PIK3R2: variants seen among roughly 807,000 people sequenced by gnomAD.
The protein encoded by PIK3R2 is phosphoinositide-3-kinase regulatory subunit 2, also known as phosphatidylinositol 3-kinase regulatory subunit beta.
PIK3R2 carries 40 observed loss-of-function variants against 78.5 expected under a neutral mutation model. The ratio of observed to expected loss-of-function variants is 0.51; its 90% CI spans 0.40 to 0.66. The LOEUF is 0.66. Among genes scored for constraint, PIK3R2 ranks in the 30% least tolerant of loss-of-function variants. PIK3R2 has a pLI of 0.00. For missense variants in PIK3R2, 880 were observed against 1,026.6 expected (o/e 0.86, Z 1.95); for synonymous variants, 473 against 457.7 (o/e 1.03, Z -0.43).
At position 18,166,272 on chromosome 19, in the gene PIK3R2, G is replaced by T; in HGVS notation, c.1529G>T (p.Arg510Leu). Reference sequence around the variant, plus strand: ...AGCAAGGAATACCTGGAGCGCTTCCGGCGTGAGGGCAACGAGAAAGAGATG... The same window carrying T: ...AGCAAGGAATACCTGGAGCGCTTCCTGCGTGAGGGCAACGAGAAAGAGATG... ...KCSKEYLERF[R>L]REGNEKEMQR... is the part of the protein sequence containing the mutation. Residue 510 changes from arginine (R) to leucine (L), a missense_variant, in exon 12 of 16, where the codon CGG becomes CTG. Around this residue, in one of 3 missense-constraint regions of PIK3R2, gnomAD observed 156 missense variants for 241.0 expected, o/e 0.65. Transcript: ENST00000222254. 1 of 1,614,142 alleles carries T rather than the reference G, an allele frequency of 6.2e-7. No individual in the cohort carries two copies. Among genetic ancestry groups the T allele is most frequent in the East Asian group, 2.2e-5 (1 of 44,890 alleles).
rs542057856 is a variant in PIK3R2 at position 18,164,525 on chromosome 19, T to C, written c.1416+1137T>C. ...GTGAAAGGTTTTGTCACTCAAGGACTGTGCTAATAAGCTTCTTTTGCAAGT... is the reference window on the plus strand; with the variant it reads ...GTGAAAGGTTTTGTCACTCAAGGACCGTGCTAATAAGCTTCTTTTGCAAGT... On this transcript the variant is annotated intron_variant, in intron 11 of 15. Coordinates refer to ENST00000222254, the MANE Select transcript of PIK3R2 (RefSeq NM_005027.4). Among the ~76,000 whole-genome samples, 7 of 152,294 alleles carry C rather than the reference T, an allele frequency of 4.6e-5. No individual in the cohort carries two copies. The South Asian group carries it at 1.5e-3, about 32-fold the overall frequency.
At chr19:18,163,909 C>T (rs1264254464) in intron 11 of PIK3R2, among the ~76,000 whole-genome samples, 1 of 151,790 alleles carries the variant, frequency 6.6e-6, no homozygotes, top group Non-Finnish European at 1.5e-5. Flanking sequence ...GGTGGATCAC[C>T]TGAGGTCAGG....
chr19:18,162,603 G>A, intron 9 of PIK3R2, 97 bp downstream of exon 9: 1 of 992,398 alleles, frequency 1.0e-6, no homozygotes, highest in Admixed American at 2.0e-5. Context: ...AGAATGGAGG[G>A]CCAGGCACGG....
chr19:18,169,264 GGGCCCC>G lies in PIK3R2; in HGVS notation c.2163_2168del (p.Gly722_Pro723del). ...CCCTGGCGCACCCAGTGCGCGCCCC[GGGCCCC>G]GGCCCGCCGCCTGCCGCCCGCTGAG... is the stretch of plus-strand genomic sequence containing the variant. On this transcript the variant is annotated inframe_deletion, in exon 16 of 16. Transcript: ENST00000222254. 6.5e-7 allele frequency: 1 copy of G among 1,535,724 alleles called. No homozygotes were observed. The highest frequency in any genetic ancestry group is 1.2e-5 in the South Asian group (1 of 85,024).
In PIK3R2 at chr19:18,156,879, T is replaced by C. The variant is rs2043683493; in HGVS notation, c.322+678T>C. 6.6e-6 allele frequency among the ~76,000 whole-genome samples: 1 copy of C among 152,046 alleles called. No individual in the cohort carries two copies. Among genetic ancestry groups the C allele is most frequent in the Non-Finnish European group, 1.5e-5 (1 of 67,972 alleles). On this transcript the variant is annotated intron_variant, in intron 2 of 15. Transcript: ENST00000222254. This position sits in a 1 kb window ranked among gnomAD's most constrained non-coding sequence, Gnocchi z 4.2. ...GGGGGCACCGAGCCCACTCAGTGAC[T>C]GCTGTTTGATGGGCAGGGAGTGTGG...
intron 11 of PIK3R2, among the ~76,000 whole-genome samples, chr19:18,164,361 T>C (rs2043784820): frequency 1.3e-5 from 2 of 151,554 alleles, no homozygotes; most frequent in Non-Finnish European, 2.9e-5. Flanking sequence ...AATGAAATCA[T>C]GCCAGGTGCA....
intron 1 of PIK3R2, among the ~76,000 whole-genome samples, chr19:18,155,070 T>C (rs1003274346): frequency 6.6e-6 from 1 of 151,418 alleles, no homozygotes; most frequent in Admixed American, 6.6e-5. Flanking sequence ...AAAAATTAGC[T>C]GGGTGTGGTG....
rs1051912771 is a variant in PIK3R2 at position 18,170,515 on chromosome 19, T to C, written c.*1221T>C. On this transcript the variant is annotated 3_prime_UTR_variant, in exon 16 of 16. Transcript: ENST00000222254. ...GTACGGTACGTTGTTATTGATATGA[T>C]ATAAAACATCAAACGTCGTGGGTGA... is the stretch of plus-strand genomic sequence containing the variant. The C allele has an allele frequency of 5.3e-5, 8 of 152,074 alleles. No homozygotes were observed. The highest frequency in any genetic ancestry group is 4.6e-4 in the Admixed American group (7 of 15,256). 9.4% of individuals were successfully genotyped at this position (152,074 alleles called of 1,614,324 possible).
rs1156335639 is a variant in PIK3R2 at position 18,170,220 on chromosome 19, A to G, written c.*926A>G. The G allele has an allele frequency of 1.3e-5, 2 of 152,828 alleles. No homozygotes were observed. Among genetic ancestry groups the G allele is most frequent in the African/African-American group, 4.8e-5 (2 of 41,446 alleles). The allele number at this position is 152,828 out of a possible 1,614,324, so 9.5% of individuals were successfully genotyped here. On this transcript the variant is annotated 3_prime_UTR_variant, in exon 16 of 16. Transcript: ENST00000222254. ...GAGACTCCTCCGTCTCAAAAAAATAAATAAATAAACTTGTGAGCTGGCCCC... is the reference window on the plus strand; with the variant it reads ...GAGACTCCTCCGTCTCAAAAAAATAGATAAATAAACTTGTGAGCTGGCCCC...
intron 2 of PIK3R2, among the ~76,000 whole-genome samples, chr19:18,157,023 G>A (rs957194613): frequency 4.6e-5 from 7 of 152,180 alleles, no homozygotes; most frequent in Non-Finnish European, 7.4e-5. Flanking sequence ...TGTGCAGACC[G>A]GGAGGCCTGA....
Position 18,169,283 on chromosome 19 carries a change from G to GCCGC in PIK3R2, c.2181_2184dup (p.Ter729ProfsTer83). On this transcript the variant is annotated frameshift_variant, in exon 16 of 16. Transcript: ENST00000222254. LOFTEE classifies it high-confidence loss of function. ...CGCCCCGGGCCCCGGCCCGCCGCCTGCCGCCCGCTGAGCACCGAGGACCCG... is the reference window on the plus strand; with the variant it reads ...CGCCCCGGGCCCCGGCCCGCCGCCTGCCGCCCGCCCGCTGAGCACCGAGGACCCG... The GCCGC allele has an allele frequency of 6.7e-7, 1 of 1,500,074 alleles. No homozygotes were observed. The highest frequency in any genetic ancestry group is 8.8e-7 in the Non-Finnish European group (1 of 1,130,864). The allele number at this position is 1,500,074 out of a possible 1,614,324, so 92.9% of individuals were successfully genotyped here.
intron 10 of PIK3R2, 44 bp from the exon 11 acceptor site, chr19:18,163,219 C>T (rs746153869): frequency 2.8e-5 from 45 of 1,613,866 alleles, no homozygotes; most frequent in Non-Finnish European, 3.5e-5. Flanking sequence ...TAGGTAGACC[C>T]GACCAGGCTA....
chr19:18,165,357 C>T (rs1244581583), intron 11 of PIK3R2, among the ~76,000 whole-genome samples: 3 of 75,634 alleles, frequency 4.0e-5, no homozygotes, highest in Non-Finnish European at 5.1e-5. Flanking sequence ...AGTGAGACTC[C>T]GTCTCAAAAA....
rs769739941 is a variant in PIK3R2 at position 18,168,699 on chromosome 19, C to A, written c.1809-27C>A. The stretch of plus-strand genomic sequence containing the variant: ...AGGCTGGCAGGTGAGTGACCAGGGC[C>A]CTCCCCGCCACCGCCCCCCACCCCA... On this transcript the variant is annotated intron_variant, in intron 14 of 15. Coordinates refer to ENST00000222254, the MANE Select transcript of PIK3R2 (RefSeq NM_005027.4). This position sits in a 1 kb window ranked among gnomAD's most constrained non-coding sequence, Gnocchi z 4.1. 10 of 1,577,254 alleles carry A rather than the reference C, an allele frequency of 6.3e-6. No individual in the cohort carries two copies. The highest frequency in any genetic ancestry group is 8.7e-6 in the Non-Finnish European group (10 of 1,148,590).
chr19:18,158,542 G>A (rs139684975), intron 2 of PIK3R2, among the ~76,000 whole-genome samples: 176 of 149,566 alleles, frequency 1.2e-3, no homozygotes, highest in African/African-American at 4.2e-3. Flanking sequence ...CAAGGCAAGT[G>A]GATCGTTAGG....
Position 18,161,371 on chromosome 19 carries a change from C to G in PIK3R2, c.691C>G (p.Arg231Gly). 1 of 1,264,270 alleles carries G rather than the reference C, an allele frequency of 7.9e-7. No individual in the cohort carries two copies. Among genetic ancestry groups the G allele is most frequent in the Non-Finnish European group, 9.9e-7 (1 of 1,006,532 alleles). The allele number at this position is 1,264,270 out of a possible 1,614,324, so 78.3% of individuals were successfully genotyped here. ...GCGCTTCCTGCTCCAGCACCTGGGC[C>G]GCGTGGCCAGCCGCGCCCCGGCCCT... ...TLRFLLQHLG[R>G]VASRAPALGP... The change falls in exon 6 of 16, where the codon CGC (arginine) becomes GGC (glycine). Residue 231 changes from arginine to glycine, a missense_variant. Transcript: ENST00000222254. The surrounding 1 kb of genome is among the most constrained non-coding windows in gnomAD (Gnocchi z 5.3).
chr19:18,169,138 C>T lies in PIK3R2; in HGVS notation c.2031C>T (p.Phe677=), dbSNP rs754267384. 4.3e-6 allele frequency: 7 copies of T among 1,611,622 alleles called. No homozygotes were observed. The highest frequency in any genetic ancestry group is 1.7e-4 in the Middle Eastern group (1 of 5,878). Residue 677 remains phenylalanine, a synonymous_variant, in exon 16 of 16, where the codon TTC becomes TTT. Coordinates refer to ENST00000222254, the MANE Select transcript of PIK3R2 (RefSeq NM_005027.4). The part of the protein sequence containing the change: ...HCVIYRTATG[F]GFAEPYNLYG... ...TCATCTACCGCACGGCCACCGGCTT[C>T]GGCTTCGCGGAGCCCTACAACCTGT...
chr19:18,169,119 A>G lies in PIK3R2; in HGVS notation c.2012A>G (p.Tyr671Cys). The G allele has an allele frequency of 6.2e-7, 1 of 1,611,696 alleles. No homozygotes were observed. Among genetic ancestry groups the G allele is most frequent in the East Asian group, 2.2e-5 (1 of 44,856 alleles). Residue 671 changes from tyrosine to cysteine, a missense_variant, in exon 16 of 16, where the codon TAC (tyrosine) becomes TGC (cysteine). By Grantham distance (194) the Tyr-to-Cys change is radical. Transcript: ENST00000222254. ...VDGDTKHCVIYRTATGFGFAE... is the reference protein window; with the variant it reads ...VDGDTKHCVICRTATGFGFAE... ...GGCGACACCAAGCACTGCGTCATCTACCGCACGGCCACCGGCTTCGGCTTC... is the reference window on the plus strand; with the variant it reads ...GGCGACACCAAGCACTGCGTCATCTGCCGCACGGCCACCGGCTTCGGCTTC...
Position 18,156,844 on chromosome 19 carries a change from G to A in PIK3R2, c.322+643G>A, listed in dbSNP as rs1191853934. 1.3e-5 allele frequency among the ~76,000 whole-genome samples: 2 copies of A among 152,162 alleles called. No homozygotes were observed. Among genetic ancestry groups the A allele is most frequent in the African/African-American group, 2.4e-5 (1 of 41,456 alleles). On this transcript the variant is annotated intron_variant, in intron 2 of 15. Transcript: ENST00000222254. The surrounding 1 kb of genome is among the most constrained non-coding windows in gnomAD (Gnocchi z 4.2). ...ACCACTTGCCAGGGGTGTGCCAGGTGTAGAGAATCGGGGGCACCGAGCCCA... is the reference window on the plus strand; with the variant it reads ...ACCACTTGCCAGGGGTGTGCCAGGTATAGAGAATCGGGGGCACCGAGCCCA...
Sources: allele counts gnomAD v4.1 joint callset (sites outside exome capture counted in the v4.1 genomes callset), GRCh38; gene constraint gnomAD v4.1.1; regional missense constraint gnomAD v4.1.1; non-coding constraint Gnocchi (gnomAD v3.1); transcripts MANE v1.5; gene names NCBI Gene and HGNC (gene_info 2026-07-23, HGNC 2026-07-21).